Variants in MAP2K7 observed in about 807,000 individuals in gnomAD.
MAP2K7 encodes dual specificity mitogen-activated protein kinase kinase 7.
In MAP2K7, 12 loss-of-function variants were observed where a neutral mutation model predicts 47.7. The ratio of observed to expected loss-of-function variants is 0.25; its 90% confidence interval spans 0.16 to 0.41. The LOEUF (loss-of-function observed/expected upper bound fraction) is 0.41. Among genes scored for constraint, MAP2K7 ranks in the 10% least tolerant of loss-of-function variants. The probability of loss-of-function intolerance (pLI) is 1.00; values close to 1 mark genes in which losing one functional copy is unlikely to be tolerated. For missense variants in MAP2K7, 415 were observed against 600.3 expected (o/e 0.69, Z 3.23); for synonymous variants, 299 against 243.0 (o/e 1.23, Z -2.14).
chr19:7,904,588 C>T, intron 1 of MAP2K7: 1 of 177,950 alleles, frequency 5.6e-6, no homozygotes, highest in South Asian at 6.6e-5. Flanking sequence ...TCTCTTCTGA[C>T]CCGAGGATTC....
chr19:7,912,231 C>T lies in MAP2K7; in HGVS notation c.1125+37C>T, dbSNP rs535192277. 4.9e-5 allele frequency: 79 copies of T among 1,613,666 alleles called. No individual in the cohort carries two copies. The South Asian group carries it at 8.3e-4, about 17-fold the overall frequency. On this transcript the variant is annotated intron_variant, in intron 10 of 10. Coordinates refer to ENST00000397979, the MANE Select transcript of MAP2K7 (RefSeq NM_145185.4). ...AGCCCTCCCAGTCCCCGTCCTGTCCCTGCGGAGGCGCGAGGCCAGGAGGGA... is the reference window on the plus strand; with the variant it reads ...AGCCCTCCCAGTCCCCGTCCTGTCCTTGCGGAGGCGCGAGGCCAGGAGGGA...
intron 1 of MAP2K7, among the ~76,000 whole-genome samples, chr19:7,908,840 G>A (rs903147291): frequency 6.6e-6 from 1 of 152,068 alleles, no homozygotes. Context: ...GCCTGTCTCT[G>A]CAGCGCCTCC....
In MAP2K7 at chr19:7,912,461, G is replaced by T. The variant is rs1363084294; in HGVS notation, c.*30G>T. On this transcript the variant is annotated 3_prime_UTR_variant, in exon 11 of 11. Transcript: ENST00000397979. Reference sequence around the variant, plus strand: ...TTGGCGGCGGCCAGCCCCACAGGGGGCCAGGGGCATGGCCACAGGCCCCCC... The same window carrying T: ...TTGGCGGCGGCCAGCCCCACAGGGGTCCAGGGGCATGGCCACAGGCCCCCC... 6.3e-7 allele frequency: 1 copy of T among 1,595,008 alleles called. No individual in the cohort carries two copies. The highest frequency in any genetic ancestry group is 1.3e-5 in the African/African-American group (1 of 74,750).
At chr19:7,904,464 C>T (rs1379483204) in intron 1 of MAP2K7, 4 of 374,786 alleles carry the variant, frequency 1.1e-5, no homozygotes, top group African/African-American at 2.2e-5. Flanking sequence ...CTGTCTGGCG[C>T]CCCCCTCCCC....
Position 7,908,290 on chromosome 19 carries a change from A to G in MAP2K7, c.125-1465A>G, listed in dbSNP as rs1982593566. On this transcript the variant is annotated intron_variant, in intron 1 of 10. Transcript: ENST00000397979. The stretch of plus-strand genomic sequence containing the variant: ...TGAACGCTGGGCCTGGCTGTGTCCC[A>G]AGGTCCCCAGAGCCCTTCCCCTGCT... 3.9e-5 allele frequency among the ~76,000 whole-genome samples: 6 copies of G among 152,130 alleles called. No individual in the cohort carries two copies. In the South Asian group the frequency reaches 1.2e-3, roughly 32 times the overall value.
At position 7,911,242 on chromosome 19, in the gene MAP2K7, C is replaced by CG. The variant is rs768231846; in HGVS notation, c.856-8_856-7insG. On this transcript the variant is annotated splice_region_variant and splice_polypyrimidine_tract_variant and intron_variant, in intron 7 of 10. Transcript: ENST00000397979. ...TTGGAGATACGTCTTCTCCTCCCCC[C>CG]CCTGCAGCCCGAGCGCATTGACCCC... 1,193 of 1,610,082 alleles carry CG rather than the reference C, an allele frequency of 7.4e-4. 3 individuals carry two copies. Among genetic ancestry groups the CG allele is most frequent in the Admixed American group, 1.1e-3 (65 of 59,954 alleles).
At chr19:7,911,731 AGCTGGT>A (rs1244035805) in intron 9 of MAP2K7, among the ~76,000 whole-genome samples, 153 bp downstream of exon 9, 1 of 152,122 alleles carries the variant, frequency 6.6e-6, no homozygotes, top group Non-Finnish European at 1.5e-5. Context: ...CAGGAGCTGG[AGCTGGT>A]GCCCAGGGAG....
rs978634451 is a variant in MAP2K7 at position 7,912,588 on chromosome 19, G to A, written c.*157G>A. The A allele has an allele frequency of 1.1e-4, 79 of 727,146 alleles. No homozygotes were observed. Among genetic ancestry groups the A allele is most frequent in the African/African-American group, 1.2e-4 (3 of 25,066 alleles). The allele number at this position is 727,146 out of a possible 1,614,324, so 45.0% of individuals were successfully genotyped here. A position where few individuals can be genotyped will look rare whatever the true frequency, so the allele number is the denominator to read the frequency against. On this transcript the variant is annotated 3_prime_UTR_variant, in exon 11 of 11. Transcript: ENST00000397979. ...TGGGGGGTGCCCACCCACCCCCCCC[G>A]CCCCGGGCCTACCAAGCCCCCGCCC...
Position 7,910,056 on chromosome 19 carries a change from TC to T in MAP2K7, c.267-3del. 1 of 1,596,896 alleles carries T rather than the reference TC, an allele frequency of 6.3e-7. No homozygotes were observed. The highest frequency in any genetic ancestry group is 8.5e-7 in the Non-Finnish European group (1 of 1,173,150). ...CACCTCCACCGGCACCTGCTCCATG[TC>T]CCCAGCATTGAGATTGACCAGAAGC... On this transcript the variant is annotated splice_region_variant and splice_polypyrimidine_tract_variant and intron_variant, in intron 2 of 10. Coordinates refer to ENST00000397979, the MANE Select transcript of MAP2K7 (RefSeq NM_145185.4).
In MAP2K7 at chr19:7,910,469, G is replaced by A. The variant is rs1568278051; in HGVS notation, c.464G>A (p.Gly155Glu). 1 of 1,609,644 alleles carries A rather than the reference G, an allele frequency of 6.2e-7. No individual in the cohort carries two copies. The change falls in exon 5 of 11, where the codon GGG becomes GAG. Residue 155 changes from glycine (G) to glutamate (E), a missense_variant. By Grantham distance (98) the Gly-to-Glu change is moderately conservative. Coordinates refer to ENST00000397979, the MANE Select transcript of MAP2K7 (RefSeq NM_145185.4). ...VIAVKQMRRSGNKEENKRILM... is the reference protein window; with the variant it reads ...VIAVKQMRRSENKEENKRILM... ...CCTGTGCAGCAAATGCGGCGCTCCG[G>A]GAACAAGGAGGAGAACAAGCGCATC... is the stretch of plus-strand genomic sequence containing the variant.
chr19:7,905,968 C>T, intron 1 of MAP2K7: 1 of 924,500 alleles, frequency 1.1e-6, no homozygotes, highest in East Asian at 2.4e-5. Context: ...TCCCCATGTC[C>T]CTTCCCCTCA....
intron 9 of MAP2K7, 44 bp downstream of exon 9, chr19:7,911,622 C>T (rs1281144040): frequency 3.3e-6 from 5 of 1,529,456 alleles, no homozygotes; most frequent in African/African-American, 1.4e-5. Flanking sequence ...CAGCCCGCTG[C>T]TCTGGGCAGC....
chr19:7,907,581 C>T lies in MAP2K7; in HGVS notation c.125-2174C>T, dbSNP rs375755488. On this transcript the variant is annotated intron_variant, in intron 1 of 10. Transcript: ENST00000397979. ...ATGTGGCCATCACCACCTCTGTGGC[C>T]TCTGTTCTCAGGGCCTTTGTGTACC... Among the ~76,000 whole-genome samples, 19 of 152,334 alleles carry T rather than the reference C, an allele frequency of 1.2e-4. No homozygotes were observed. The South Asian group carries it at 3.5e-3, about 28-fold the overall frequency.
intron 5 of MAP2K7, 59 bp downstream of exon 5, chr19:7,910,631 G>A: frequency 6.2e-7 from 1 of 1,610,912 alleles, no homozygotes; most frequent in Non-Finnish European, 8.5e-7. Flanking sequence ...CCCCTTCCTA[G>A]GGAGCAGAGC....
chr19:7,909,653 G>A, intron 1 of MAP2K7, 102 bp from the exon 2 acceptor site: 1 of 653,716 alleles, frequency 1.5e-6, no homozygotes, highest in Admixed American at 2.8e-5. Context: ...AAACCCAGGA[G>A]GGGAAGGTGA....
intron 1 of MAP2K7, chr19:7,905,701 TC>T: frequency 1.0e-6 from 1 of 970,452 alleles, no homozygotes. Context: ...GTTCGGTGCC[TC>T]CCCCTCCTCC....
rs1453442403 is a variant in MAP2K7, at chr19:7,912,624, G to A, written c.*193G>A. Reference sequence around the variant, plus strand: ...ACCAAGCCCCCGCCCTTCCCACCCCGGGGTCAGCCGGCCGTGTGCGTCCCC... The same window carrying A: ...ACCAAGCCCCCGCCCTTCCCACCCCAGGGTCAGCCGGCCGTGTGCGTCCCC... On this transcript the variant is annotated 3_prime_UTR_variant, in exon 11 of 11. Transcript: ENST00000397979. 1.9e-5 allele frequency: 10 copies of A among 529,204 alleles called. No homozygotes were observed. The highest frequency in any genetic ancestry group is 3.1e-5 in the East Asian group (1 of 31,874). The allele number at this position is 529,204 out of a possible 1,614,324, so 32.8% of individuals were successfully genotyped here.
chr19:7,905,697 T>G (rs1982400453), intron 1 of MAP2K7: 1 of 929,970 alleles, frequency 1.1e-6, no homozygotes, highest in Non-Finnish European at 1.8e-6. Context: ...TGCAGTTCGG[T>G]GCCTCCCCCT....
chr19:7,911,663 G>T, intron 9 of MAP2K7, 85 bp downstream of exon 9: 1 of 1,363,548 alleles, frequency 7.3e-7, no homozygotes, highest in Non-Finnish European at 9.8e-7. Context: ...GGGAATGGAG[G>T]CCGCACCCTG....
Sources: allele counts gnomAD v4.1 joint callset (sites outside exome capture counted in the v4.1 genomes callset), GRCh38; gene constraint gnomAD v4.1.1; transcripts MANE v1.5; gene names NCBI Gene and HGNC (gene_info 2026-07-23, HGNC 2026-07-21).